Variants in KCTD16 observed in about 807,000 individuals in gnomAD.
The protein encoded by KCTD16 is potassium channel tetramerization domain containing 16.
In KCTD16, 13 loss-of-function variants were observed where a neutral mutation model predicts 33.2. The observed-to-expected ratio is 0.39, with a 90% confidence interval of 0.25 to 0.62. KCTD16 has a LOEUF of 0.62. Ranked by LOEUF, KCTD16 falls within the 20% of genes least tolerant of loss-of-function variation. KCTD16 has a pLI of 0.50. For missense variants in KCTD16, 441 were observed against 525.1 expected, an observed-to-expected ratio of 0.84 and a Z score of 1.57; for synonymous variants, 197 against 195.3, an observed-to-expected ratio of 1.01 and a Z score of -0.07.
Position 144,410,149 on chromosome 5 carries a change from G to A in KCTD16, c.833-63511G>A, listed in dbSNP as rs1444824902. 2.0e-5 allele frequency among the ~76,000 whole-genome samples: 3 copies of A among 152,166 alleles called. No individual in the cohort carries two copies. The East Asian group carries it at 5.8e-4, about 29-fold the overall frequency. On this transcript the variant is annotated intron_variant, in intron 3 of 3. Coordinates refer to ENST00000512467, the MANE Select transcript of KCTD16 (RefSeq NM_020768.4). ...GAGGTTGCAAGGAGGAGATGACTGGGAAATGTGGCTAAGCTTTGCTGTGCA... is the reference window on the plus strand; with the variant it reads ...GAGGTTGCAAGGAGGAGATGACTGGAAAATGTGGCTAAGCTTTGCTGTGCA...
intron 3 of KCTD16, among the ~76,000 whole-genome samples, chr5:144,399,282 T>C (rs1409870156): frequency 6.6e-6 from 1 of 152,198 alleles, no homozygotes; most frequent in African/African-American, 2.4e-5. Flanking sequence ...ATCTCCTCTA[T>C]TCCCTGAGTA....
intron 3 of KCTD16, among the ~76,000 whole-genome samples, chr5:144,420,234 C>T (rs955995071): frequency 3.9e-5 from 6 of 152,048 alleles, no homozygotes; most frequent in African/African-American, 1.4e-4. Context: ...CATCCCTGCC[C>T]TCTACCTCAG....
At chr5:144,306,245 A>G (rs1751601235) in intron 3 of KCTD16, among the ~76,000 whole-genome samples, 1 of 152,236 alleles carries the variant, frequency 6.6e-6, no homozygotes, top group Non-Finnish European at 1.5e-5. Flanking sequence ...CTCCTAAATC[A>G]TTCTGTATAT....
At chr5:144,346,747 T>C (rs980063664) in intron 3 of KCTD16, among the ~76,000 whole-genome samples, 2 of 152,256 alleles carry the variant, frequency 1.3e-5, no homozygotes, top group Admixed American at 1.3e-4. Flanking sequence ...TTATACATTC[T>C]GGCTCTTAAT....
intron 3 of KCTD16, among the ~76,000 whole-genome samples, chr5:144,261,927 A>C (rs1398332720): frequency 6.6e-6 from 1 of 152,108 alleles, no homozygotes; most frequent in Non-Finnish European, 1.5e-5. Flanking sequence ...AGTACTTCAC[A>C]TACTTATTTT....
At chr5:144,295,929 G>A (rs528052115) in intron 3 of KCTD16, among the ~76,000 whole-genome samples, 1 of 152,278 alleles carries the variant, frequency 6.6e-6, no homozygotes, top group African/African-American at 2.4e-5. Context: ...CTCCAGAAAG[G>A]AACATAATCT....
chr5:144,171,567 C>T (rs1171010119), intron 1 of KCTD16, among the ~76,000 whole-genome samples: 1 of 152,164 alleles, frequency 6.6e-6, no homozygotes, highest in Admixed American at 6.5e-5. Flanking sequence ...AGTACTCCCC[C>T]CAACCAACCA....
At chr5:144,329,746 A>G (rs1752305285) in intron 3 of KCTD16, among the ~76,000 whole-genome samples, 3 of 152,332 alleles carry the variant, frequency 2.0e-5, no homozygotes, top group Admixed American at 2.0e-4. Context: ...ACAGAAACAC[A>G]AGTAGTTGCC....
intron 3 of KCTD16, among the ~76,000 whole-genome samples, chr5:144,435,681 A>G (rs1753559436): frequency 6.6e-6 from 1 of 152,166 alleles, no homozygotes; most frequent in South Asian, 2.1e-4. Flanking sequence ...TTGTCTTTCA[A>G]AGAAGTTGGG....
intron 3 of KCTD16, among the ~76,000 whole-genome samples, chr5:144,396,932 A>ATT (rs749770087): frequency 0.093 from 13,686 of 146,760 alleles, 885 homozygotes; most frequent in Middle Eastern, 0.17. Context: ...ATATATATAT[A>ATT]TTTTATTATA....
chr5:144,195,910 C>T (rs1752930971), intron 2 of KCTD16, among the ~76,000 whole-genome samples: 1 of 152,102 alleles, frequency 6.6e-6, no homozygotes, highest in Non-Finnish European at 1.5e-5. Context: ...GAACTTTTTC[C>T]TCTTCTCTTA....
intron 3 of KCTD16, among the ~76,000 whole-genome samples, chr5:144,460,804 G>A (rs1754177248): frequency 6.6e-6 from 1 of 152,116 alleles, no homozygotes; most frequent in Non-Finnish European, 1.5e-5. Context: ...GAGAGTGTCT[G>A]GCAGAGATCA....
At chr5:144,259,184 A>G (rs966458762) in intron 3 of KCTD16, among the ~76,000 whole-genome samples, 2 of 142,248 alleles carry the variant, frequency 1.4e-5, no homozygotes, top group Non-Finnish European at 3.0e-5. Context: ...GGTGAACCCG[A>G]GAGGCGGAGC....
intron 3 of KCTD16, among the ~76,000 whole-genome samples, chr5:144,433,702 C>A (rs1236239403): frequency 6.6e-6 from 1 of 152,150 alleles, no homozygotes; most frequent in Non-Finnish European, 1.5e-5. Flanking sequence ...CCTCCTACTT[C>A]AGCTTTATTA....
chr5:144,203,097 A>T (rs1339747749), intron 2 of KCTD16, among the ~76,000 whole-genome samples: 1 of 152,188 alleles, frequency 6.6e-6, no homozygotes. Context: ...CCATTTTCCA[A>T]AAAAGGTTAA....
chr5:144,176,444 G>A (rs1752509667), intron 2 of KCTD16, among the ~76,000 whole-genome samples: 1 of 139,258 alleles, frequency 7.2e-6, no homozygotes, highest in South Asian at 2.3e-4. Flanking sequence ...CGCCCAGGCC[G>A]GACTGCGGAC....
chr5:144,293,763 T>A (rs1755959514), intron 3 of KCTD16, among the ~76,000 whole-genome samples: 1 of 152,238 alleles, frequency 6.6e-6, no homozygotes, highest in African/African-American at 2.4e-5. Flanking sequence ...GTTTTTGATG[T>A]AATTAAATGA....
chr5:144,342,482 C>G (rs923552383), intron 3 of KCTD16, among the ~76,000 whole-genome samples: 2 of 152,148 alleles, frequency 1.3e-5, no homozygotes, highest in African/African-American at 4.8e-5. Flanking sequence ...TGGGCTGAGA[C>G]AATGGGGTTT....
At chr5:144,174,949 A>C (rs1165006969) in intron 2 of KCTD16, among the ~76,000 whole-genome samples, 3 of 152,214 alleles carry the variant, frequency 2.0e-5, no homozygotes, top group Non-Finnish European at 4.4e-5. Flanking sequence ...TATGAATTTC[A>C]GTGAAAGCAC....
Sources: allele counts gnomAD v4.1 joint callset (sites outside exome capture counted in the v4.1 genomes callset), GRCh38; gene constraint gnomAD v4.1.1; transcripts MANE v1.5; gene names NCBI Gene and HGNC (gene_info 2026-07-23, HGNC 2026-07-21).